NLGN4Y: variants seen among roughly 807,000 people sequenced by gnomAD.
The protein encoded by NLGN4Y is neuroligin 4 Y-linked, also known as neuroligin-4, Y-linked.
Under a neutral mutation model 8.4 loss-of-function variants are expected in NLGN4Y, and 4 were observed. That is an observed-to-expected ratio of 0.48 (90% CI 0.23 to 1.09). The LOEUF (loss-of-function observed/expected upper bound fraction) is 1.09. Ranked by LOEUF, NLGN4Y falls within the 50% of genes least tolerant of loss-of-function variation. The probability of loss-of-function intolerance (pLI) is 0.19; values close to 1 mark genes in which losing one functional copy is unlikely to be tolerated. For synonymous variants in NLGN4Y, 35 were observed against 75.6 expected (o/e 0.46, Z 2.78); for missense variants, 90 against 192.3 (o/e 0.47, Z 3.15).
chrY:14,802,522 A>G lies in NLGN4Y; in HGVS notation c.686-21666A>G, dbSNP rs751739575. Among the ~76,000 whole-genome samples the G allele has an allele frequency of 3.0e-4, 9 of 29,639 alleles. No homozygotes were observed. In the South Asian group the frequency reaches 6.3e-3, roughly 21 times the overall value. The allele number at this position is 29,639 out of a possible 37,273, so 79.5% of individuals were successfully genotyped here. A position where few individuals can be genotyped will look rare whatever the true frequency, so the allele number is the denominator to read the frequency against. On this transcript the variant is annotated intron_variant, in intron 4 of 6. Coordinates refer to ENST00000684976, the MANE Select transcript of NLGN4Y (RefSeq NM_001365588.1). ...AATTTCTAACATATATAGAGATAAT[A>G]TGTAAGATCACATTATATATAAAGT...
At chrY:14,656,467 G>C in intron 2 of NLGN4Y, among the ~76,000 whole-genome samples, 2 of 30,699 alleles carry the variant, frequency 6.5e-5, no homozygotes, top group Non-Finnish European at 1.6e-4. Context: ...CAGGCCTGTA[G>C]TCCTAGCTAC....
intron 1 of NLGN4Y, among the ~76,000 whole-genome samples, chrY:14,584,419 G>A: frequency 3.0e-5 from 1 of 33,561 alleles, no homozygotes; most frequent in South Asian, 6.6e-4. Context: ...TTGGTGCCTG[G>A]CCCATTTATT....
chrY:14,689,571 A>T (rs2080803015), intron 2 of NLGN4Y, among the ~76,000 whole-genome samples: 1 of 32,964 alleles, frequency 3.0e-5, no homozygotes, highest in Non-Finnish European at 7.5e-5. Context: ...CTCTCTTATG[A>T]AAAGAGGGGG....
chrY:14,574,000 G>T (rs2080286522), intron 1 of NLGN4Y, among the ~76,000 whole-genome samples: 1 of 33,504 alleles, frequency 3.0e-5, no homozygotes, highest in Non-Finnish European at 7.4e-5. Context: ...ATTTTTTGAG[G>T]AGTGCTTTAC....
intron 1 of NLGN4Y, among the ~76,000 whole-genome samples, chrY:14,527,526 C>G (rs2080097570): frequency 3.0e-5 from 1 of 33,695 alleles, no homozygotes; most frequent in Non-Finnish European, 7.3e-5. Flanking sequence ...GAGTTCAAAT[C>G]CATTGCTGTT....
At chrY:14,549,662 C>T in intron 1 of NLGN4Y, among the ~76,000 whole-genome samples, 2 of 33,401 alleles carry the variant, frequency 6.0e-5, no homozygotes, top group Admixed American at 5.6e-4. Context: ...GCACTTCTCT[C>T]CCAGTTTCCT....
chrY:14,559,396 C>T, intron 1 of NLGN4Y, among the ~76,000 whole-genome samples: 2 of 33,440 alleles, frequency 6.0e-5, no homozygotes. Context: ...TAGAATGCAG[C>T]TCTTCCTTAT....
intron 2 of NLGN4Y, among the ~76,000 whole-genome samples, chrY:14,666,034 C>T: frequency 3.1e-5 from 1 of 32,757 alleles, no homozygotes; most frequent in African/African-American, 1.2e-4. Context: ...CTTCCTAAGA[C>T]CTTGTGCTTT....
chrY:14,797,785 G>T, intron 4 of NLGN4Y, among the ~76,000 whole-genome samples: 1 of 33,636 alleles, frequency 3.0e-5, no homozygotes, highest in Non-Finnish European at 7.4e-5. Flanking sequence ...TCCCACCACT[G>T]AATGCCATTT....
chrY:14,652,211 T>G, intron 2 of NLGN4Y, among the ~76,000 whole-genome samples: 1 of 33,231 alleles, frequency 3.0e-5, no homozygotes, highest in Non-Finnish European at 7.5e-5. Flanking sequence ...TGTTAAACAC[T>G]CTATACTTTT....
intron 2 of NLGN4Y, among the ~76,000 whole-genome samples, chrY:14,624,603 C>T (rs2080521954): frequency 6.0e-5 from 2 of 33,224 alleles, no homozygotes; most frequent in African/African-American, 1.2e-4. Context: ...AATAAATCTC[C>T]CCACAATGTG....
chrY:14,660,098 G>T, intron 2 of NLGN4Y, among the ~76,000 whole-genome samples: 1 of 33,233 alleles, frequency 3.0e-5, no homozygotes, highest in Non-Finnish European at 7.4e-5. Flanking sequence ...TATAGTTTTT[G>T]TTAGAGATTA....
At chrY:14,721,186 A>G (rs2080933405) in intron 3 of NLGN4Y, among the ~76,000 whole-genome samples, 1 of 33,831 alleles carries the variant, frequency 3.0e-5, no homozygotes, top group African/African-American at 1.2e-4. Context: ...AAGGTAAGAA[A>G]TGTTAATTTC....
At chrY:14,747,219 G>A in intron 4 of NLGN4Y, among the ~76,000 whole-genome samples, 1 of 32,591 alleles carries the variant, frequency 3.1e-5, no homozygotes, top group Non-Finnish European at 7.5e-5. Context: ...CTTGGTGGGA[G>A]GCATTTCTGT....
chrY:14,529,411 G>C (rs2080103504), intron 1 of NLGN4Y, among the ~76,000 whole-genome samples: 1 of 32,743 alleles, frequency 3.1e-5, no homozygotes, highest in Admixed American at 2.8e-4. Flanking sequence ...AGGCCTCCTT[G>C]GTTCTTTGAT....
chrY:14,792,851 A>AGAGTGT (rs2042991366), intron 4 of NLGN4Y, among the ~76,000 whole-genome samples: 49 of 9,102 alleles, frequency 5.4e-3, no homozygotes, highest in African/African-American at 0.018. Flanking sequence ...AGAGAGAGAG[A>AGAGTGT]GTGTGTGTGT....
chrY:14,646,962 G>A, intron 2 of NLGN4Y, among the ~76,000 whole-genome samples: 3 of 34,215 alleles, frequency 8.8e-5, no homozygotes, highest in East Asian at 1.6e-3. Context: ...ACATTTTTAA[G>A]CAGCAAAGTG....
At chrY:14,561,655 C>T (rs950124258) in intron 1 of NLGN4Y, among the ~76,000 whole-genome samples, 58 of 33,491 alleles carry the variant, frequency 1.7e-3, no homozygotes, top group Non-Finnish European at 3.7e-3. Flanking sequence ...CACCCTCTTC[C>T]GCAATGGTTG....
At chrY:14,591,124 G>A in intron 1 of NLGN4Y, among the ~76,000 whole-genome samples, 1 of 32,495 alleles carries the variant, frequency 3.1e-5, no homozygotes, top group East Asian at 8.1e-4. Context: ...TGATTTCCTG[G>A]GACAATGTTA....
Sources: allele counts gnomAD v4.1 joint callset (sites outside exome capture counted in the v4.1 genomes callset), GRCh38; gene constraint gnomAD v4.1.1; transcripts MANE v1.5; gene names NCBI Gene and HGNC (gene_info 2026-07-23, HGNC 2026-07-21).